The following SENP2 variants were observed in gnomAD, a reference collection of about 807,000 sequenced individuals.
SENP2 encodes the protein sentrin-specific protease 2.
In SENP2, 16 loss-of-function variants were observed where a neutral mutation model predicts 86.3. The ratio of observed to expected loss-of-function variants is 0.19; its 90% CI spans 0.13 to 0.28. SENP2 has a LOEUF of 0.28. Among genes scored for constraint, SENP2 ranks in the 10% least tolerant of loss-of-function variants. The pLI is 1.00. For missense variants in SENP2, 552 were observed against 703.0 expected, an observed-to-expected ratio of 0.79 and a Z score of 2.43; for synonymous variants, 222 against 238.7, an observed-to-expected ratio of 0.93 and a Z score of 0.64.
intron 5 of SENP2, among the ~76,000 whole-genome samples, chr3:185,603,502 G>C (rs1430004705): frequency 1.3e-5 from 2 of 152,190 alleles, no homozygotes; most frequent in East Asian, 3.8e-4. Flanking sequence ...TCAGACTGAA[G>C]GAGATGAAAG....
chr3:185,612,649 G>C lies in SENP2; in HGVS notation c.860G>C (p.Ser287Thr), dbSNP rs767844070. The change falls in exon 9 of 17, where the codon AGT becomes ACT. Residue 287 changes from serine (S) to threonine (T), a missense_variant. Coordinates refer to ENST00000296257, the MANE Select transcript of SENP2 (RefSeq NM_021627.3). Reference sequence around the variant, plus strand: ...AGGGGACCTCTATGTTCATTGAGAAGTGAAAAGAGGTACGTACATTCAGTT... The same window carrying C: ...AGGGGACCTCTATGTTCATTGAGAACTGAAAAGAGGTACGTACATTCAGTT... ...ETRGPLCSLR[S>T]EKRCSKGKIT... 3.1e-6 allele frequency: 5 copies of C among 1,603,424 alleles called. No individual in the cohort carries two copies. Among genetic ancestry groups the C allele is most frequent in the Non-Finnish European group, 4.3e-6 (5 of 1,170,570 alleles).
At chr3:185,603,342 C>T (rs533772025) in intron 5 of SENP2, among the ~76,000 whole-genome samples, 2 of 152,166 alleles carry the variant, frequency 1.3e-5, no homozygotes, top group Non-Finnish European at 2.9e-5. Context: ...ATGTATTGCA[C>T]TGAGAAAGAC....
chr3:185,597,710 A>G (rs1275110409), intron 2 of SENP2, among the ~76,000 whole-genome samples: 20 of 143,474 alleles, frequency 1.4e-4, no homozygotes, highest in Non-Finnish European at 2.6e-4. Flanking sequence ...CTGGAGTGTA[A>G]TGGCGCGATC....
intron 8 of SENP2, chr3:185,612,170 A>AG (rs758844006): frequency 7.4e-4 from 118 of 158,912 alleles, no homozygotes; most frequent in Admixed American, 8.6e-4. Context: ...AAAAAAAAAA[A>AG]CCTCACAGCA....
intron 14 of SENP2, among the ~76,000 whole-genome samples, chr3:185,622,933 C>T (rs34505819): frequency 0.38 from 57,423 of 149,816 alleles, 11,174 homozygotes; most frequent in South Asian, 0.56. Flanking sequence ...GCTCGTTCCT[C>T]GGCCTCCCAA....
At chr3:185,598,840 G>C in intron 3 of SENP2, 118 bp from the exon 4 acceptor site, 1 of 758,504 alleles carries the variant, frequency 1.3e-6, no homozygotes. Context: ...TAAACCTTAG[G>C]TCTTATTGAT....
chr3:185,605,476 T>A (rs1722483972), intron 5 of SENP2, among the ~76,000 whole-genome samples: 1 of 152,150 alleles, frequency 6.6e-6, no homozygotes, highest in African/African-American at 2.4e-5. Flanking sequence ...CTTATTTAAA[T>A]TTTTCTCTTA....
chr3:185,621,970 G>A, intron 14 of SENP2, 65 bp downstream of exon 14: 1 of 1,027,226 alleles, frequency 9.7e-7, no homozygotes, highest in Non-Finnish European at 1.5e-6. Flanking sequence ...CTCATCCTAG[G>A]AAGCTGTGTG....
chr3:185,606,648 C>G (rs1722522441), intron 6 of SENP2, 150 bp downstream of exon 6: 1 of 666,532 alleles, frequency 1.5e-6, no homozygotes, highest in South Asian at 2.3e-5. Context: ...CTGTCTTAAA[C>G]CCAGATGCAC....
chr3:185,592,020 T>C (rs1722022788), intron 2 of SENP2, among the ~76,000 whole-genome samples: 1 of 137,722 alleles, frequency 7.3e-6, no homozygotes, highest in African/African-American at 2.7e-5. Flanking sequence ...TCTTTTTTTT[T>C]TTTTTTTTTT....
rs901415527 is a variant in SENP2, at chr3:185,630,515, C to T, written c.*671C>T. The T allele has an allele frequency of 5.2e-5, 8 of 153,454 alleles. No homozygotes were observed. Among genetic ancestry groups the T allele is most frequent in the Admixed American group, 1.3e-4 (2 of 15,472 alleles). The allele number at this position is 153,454 out of a possible 1,614,324, so 9.5% of individuals were successfully genotyped here. A position where few individuals can be genotyped will look rare whatever the true frequency, so the allele number is the denominator to read the frequency against. ...TTTCAGAGGAAGTCTGACACTACAG[C>T]GTTGGCACAGTGCCGTGAACAGTGG... On this transcript the variant is annotated 3_prime_UTR_variant, in exon 17 of 17. Transcript: ENST00000296257.
At chr3:185,628,006 G>T (rs1183404179) in intron 16 of SENP2, among the ~76,000 whole-genome samples, 1 of 152,156 alleles carries the variant, frequency 6.6e-6, no homozygotes, top group Non-Finnish European at 1.5e-5. Context: ...TTATTGCTTA[G>T]TCTCAGCAGT....
chr3:185,606,550 A>T, intron 6 of SENP2, 52 bp downstream of exon 6: 1 of 1,447,026 alleles, frequency 6.9e-7, no homozygotes, highest in Non-Finnish European at 9.3e-7. Flanking sequence ...GCTCTTCCCA[A>T]GGATGCTGCC....
chr3:185,598,670 T>C (rs919171430), intron 3 of SENP2, 125 bp downstream of exon 3: 18 of 996,910 alleles, frequency 1.8e-5, no homozygotes, highest in Non-Finnish European at 2.4e-5. Context: ...TGTATCTTTA[T>C]TAGCTGTGCT....
chr3:185,625,319 G>A (rs1712093670), intron 15 of SENP2, among the ~76,000 whole-genome samples: 1 of 152,092 alleles, frequency 6.6e-6, no homozygotes, highest in Non-Finnish European at 1.5e-5. Context: ...CACCATGTTA[G>A]CCAGGATGGT....
chr3:185,598,295 C>T, intron 2 of SENP2, 117 bp from the exon 3 acceptor site: 1 of 1,130,154 alleles, frequency 8.8e-7, no homozygotes, highest in East Asian at 2.6e-5. Flanking sequence ...TGTGAGCCAC[C>T]ACACCCAGCA....
At chr3:185,623,210 C>T (rs562741181) in intron 14 of SENP2, among the ~76,000 whole-genome samples, 4 of 139,214 alleles carry the variant, frequency 2.9e-5, no homozygotes, top group Admixed American at 7.1e-5. Flanking sequence ...GGCGTGATCT[C>T]GGCTCACCGC....
intron 12 of SENP2, 113 bp downstream of exon 12, chr3:185,617,724 T>A: frequency 3.6e-6 from 3 of 829,316 alleles, no homozygotes. Flanking sequence ...CTCTTAGTTA[T>A]AATTAAAACA....
In SENP2 at chr3:185,601,876, A is replaced by G. The variant is rs553723322; in HGVS notation, c.449+1021A>G. Among the ~76,000 whole-genome samples the G allele has an allele frequency of 3.7e-4, 57 of 152,130 alleles. No individual in the cohort carries two copies. The South Asian group carries it at 0.012, about 32-fold the overall frequency. ...CAGTCTCAAACTCCTGACCTCAGGT[A>G]ATCCACCCACCTCAGCCTCTCAAAG... On this transcript the variant is annotated intron_variant, in intron 5 of 16. Transcript: ENST00000296257.
Sources: allele counts gnomAD v4.1 joint callset (sites outside exome capture counted in the v4.1 genomes callset), GRCh38; gene constraint gnomAD v4.1.1; transcripts MANE v1.5; gene names NCBI Gene and HGNC (gene_info 2026-07-23, HGNC 2026-07-21).